The following AGMO variants were observed in gnomAD, a reference collection of about 807,000 sequenced individuals.
AGMO encodes the protein glyceryl-ether monooxygenase.
A neutral mutation model predicts 60.2 loss-of-function variants in AGMO; 75 were observed. The observed-to-expected ratio is 1.25, with a 90% CI of 1.03 to 1.51. The LOEUF (loss-of-function observed/expected upper bound fraction) is 1.51. Ranked by LOEUF, AGMO falls within the 40% of genes most tolerant of loss-of-function variation. The pLI is 0.00. For missense variants in AGMO, 763 were observed against 525.5 expected (o/e 1.45, Z -4.42); for synonymous variants, 261 against 177.1 (o/e 1.47, Z -3.76).
intron 12 of AGMO, among the ~76,000 whole-genome samples, chr7:15,322,523 TATAAATATATAA>T (rs1563086150): frequency 1.7e-4 from 14 of 83,664 alleles, no homozygotes; most frequent in African/African-American, 7.7e-4. Flanking sequence ...TATAAATATA[TATAAATATATAA>T]ATATATATAT....
At chr7:15,548,370 G>A (rs371722721) in intron 2 of AGMO, among the ~76,000 whole-genome samples, 1 of 151,710 alleles carries the variant, frequency 6.6e-6, no homozygotes, top group Non-Finnish European at 1.5e-5. Context: ...ATTACTCTGA[G>A]CTATGGGAGG....
chr7:15,406,634 T>TGAATATACATATATATGTGTATATATATG (rs752392558), intron 5 of AGMO, among the ~76,000 whole-genome samples: 3 of 58,250 alleles, frequency 5.2e-5, no homozygotes, highest in Admixed American at 1.9e-4. Context: ...TGTATATATA[T>TGAATATACATATATATGTGTATATATATG]GAATATACAT....
intron 12 of AGMO, among the ~76,000 whole-genome samples, chr7:15,362,004 T>C (rs1273334699): frequency 6.6e-6 from 1 of 152,144 alleles, no homozygotes; most frequent in Admixed American, 6.6e-5. Context: ...ATTCTAGTGA[T>C]AGCTTCAAAG....
At chr7:15,459,649 T>C (rs181459958) in intron 3 of AGMO, among the ~76,000 whole-genome samples, 4 of 95,118 alleles carry the variant, frequency 4.2e-5, no homozygotes, top group African/African-American at 1.5e-4. Flanking sequence ...TTAAAAAACA[T>C]CACACCACCC....
chr7:15,317,032 T>G (rs566605062), intron 12 of AGMO, among the ~76,000 whole-genome samples: 1 of 152,314 alleles, frequency 6.6e-6, no homozygotes, highest in East Asian at 1.9e-4. Flanking sequence ...GGCATTGTTA[T>G]TAAAAAGTCA....
chr7:15,285,901 G>C (rs951018872), intron 12 of AGMO, among the ~76,000 whole-genome samples: 3 of 151,932 alleles, frequency 2.0e-5, no homozygotes, highest in Non-Finnish European at 2.9e-5. Context: ...ACTAAACAGA[G>C]GGCCCCAAGT....
chr7:15,297,535 C>G (rs943857175), intron 12 of AGMO, among the ~76,000 whole-genome samples: 7 of 152,054 alleles, frequency 4.6e-5, no homozygotes, highest in African/African-American at 1.7e-4. Flanking sequence ...TGATTTACTA[C>G]AGAGTAAATC....
At chr7:15,165,347 T>A in the AGMO span, among the ~76,000 whole-genome samples, 4 of 152,150 alleles carry the variant, frequency 2.6e-5, no homozygotes, top group African/African-American at 9.6e-5. Flanking sequence ...TATATCCATG[T>A]AACATACCTG....
intron 3 of AGMO, among the ~76,000 whole-genome samples, chr7:15,522,592 G>A (rs1468293830): frequency 6.6e-6 from 1 of 151,944 alleles, no homozygotes; most frequent in South Asian, 2.1e-4. Context: ...AAAAGCAATG[G>A]GAAACAGATT....
chr7:15,520,793 G>A (rs1316419211), intron 3 of AGMO, among the ~76,000 whole-genome samples: 3 of 152,184 alleles, frequency 2.0e-5, no homozygotes, highest in Non-Finnish European at 4.4e-5. Flanking sequence ...TAAAAAACTA[G>A]AGAAGGAAGA....
chr7:15,542,647 GA>G lies in AGMO; in HGVS notation c.409+2124del, dbSNP rs1784662123. ...TTCTGCAACACCCCTTTGTTGCATA[GA>G]AAATGAGGAAGATTGCCGATGAGTT... On this transcript the variant is annotated intron_variant, in intron 3 of 12. Transcript: ENST00000342526. 2.0e-5 allele frequency among the ~76,000 whole-genome samples: 3 copies of G among 152,164 alleles called. No homozygotes were observed. The South Asian group carries it at 6.2e-4, about 32-fold the overall frequency.
At chr7:15,270,409 C>G (rs1286716137) in intron 12 of AGMO, among the ~76,000 whole-genome samples, 1 of 151,834 alleles carries the variant, frequency 6.6e-6, no homozygotes, top group East Asian at 1.9e-4. Flanking sequence ...TTGTTGGCCA[C>G]TTGTATGTCT....
chr7:15,218,338 T>A (rs1170617969), intron 12 of AGMO, among the ~76,000 whole-genome samples: 1 of 150,956 alleles, frequency 6.6e-6, no homozygotes, highest in African/African-American at 2.4e-5. Flanking sequence ...TGTGTGTGTG[T>A]GTGTGTGTGT....
chr7:15,191,537 G>C, the AGMO span, among the ~76,000 whole-genome samples: 1 of 152,090 alleles, frequency 6.6e-6, no homozygotes, highest in Non-Finnish European at 1.5e-5. Flanking sequence ...CCAAACTACT[G>C]AACATGAACT....
chr7:15,321,997 G>C (rs1781121571), intron 12 of AGMO, among the ~76,000 whole-genome samples: 1 of 151,790 alleles, frequency 6.6e-6, no homozygotes, highest in South Asian at 2.1e-4. Flanking sequence ...CTAAGGAAAA[G>C]AGGTTAGGCT....
In AGMO at chr7:15,380,236, C is replaced by G. The variant is rs888053353; in HGVS notation, c.1074+5210G>C. On this transcript the variant is annotated intron_variant, in intron 10 of 12. Transcript: ENST00000342526. ...AGATCAAACTATCCCTATTTGCAGA[C>G]GACATGATCCTCTACCTAGAAAACC... Among the ~76,000 whole-genome samples the G allele has an allele frequency of 6.8e-4, 104 of 152,082 alleles. 1 individual carries two copies. The highest frequency in any genetic ancestry group is 2.4e-3 in the African/African-American group (101 of 41,508).
intron 3 of AGMO, among the ~76,000 whole-genome samples, chr7:15,530,711 AT>A (rs1784289545): frequency 7.0e-6 from 1 of 142,474 alleles, no homozygotes; most frequent in Non-Finnish European, 1.5e-5. Context: ...TATTCTATAT[AT>A]ACATTTCTAT....
At chr7:15,473,932 G>C (rs147562653) in intron 3 of AGMO, among the ~76,000 whole-genome samples, 6 of 152,156 alleles carry the variant, frequency 3.9e-5, no homozygotes, top group African/African-American at 1.4e-4. Flanking sequence ...GCTAAATCAA[G>C]AGTGAGCTTC....
chr7:15,266,497 C>T (rs532417933), intron 12 of AGMO, among the ~76,000 whole-genome samples: 25 of 152,030 alleles, frequency 1.6e-4, no homozygotes, highest in African/African-American at 4.6e-4. Flanking sequence ...GAAAGTGTTT[C>T]CCCCTGGACA....
Sources: allele counts gnomAD v4.1 joint callset (sites outside exome capture counted in the v4.1 genomes callset), GRCh38; gene constraint gnomAD v4.1.1; transcripts MANE v1.5; gene names NCBI Gene and HGNC (gene_info 2026-07-23, HGNC 2026-07-21).